The following BFSP2 variants were observed in gnomAD, a reference collection of about 807,000 sequenced individuals.
The protein encoded by BFSP2 is phakinin.
A neutral mutation model predicts 44.9 loss-of-function variants in BFSP2; 38 were observed. The observed-to-expected ratio is 0.85, with a 90% confidence interval of 0.65 to 1.11. The LOEUF (loss-of-function observed/expected upper bound fraction) is 1.11, where lower values mean the gene tolerates loss of function less well. Among genes scored for constraint, BFSP2 ranks in the 50% least tolerant of loss-of-function variants. The pLI is 0.00. For missense variants in BFSP2, 525 were observed against 533.0 expected (o/e 0.99, Z 0.15); for synonymous variants, 197 against 209.9 (o/e 0.94, Z 0.53).
Position 133,400,196 on chromosome 3 carries a change from G to T in BFSP2, c.113G>T (p.Ser38Ile). 6.2e-7 allele frequency: 1 copy of T among 1,614,066 alleles called. No homozygotes were observed. Among genetic ancestry groups the T allele is most frequent in the Middle Eastern group, 1.6e-4 (1 of 6,062 alleles). ...CCACGGTCATCATCCTCCCTGGAGA[G>T]CCCCCCAGCCTCCAGGACCAATGCC... ...RGPRSSSSLESPPASRTNAMS... is the reference protein window; with the variant it reads ...RGPRSSSSLEIPPASRTNAMS... The change falls in exon 1 of 7, where the codon AGC becomes ATC. Residue 38 changes from serine to isoleucine, a missense_variant. Physicochemically the swap from Ser to Ile is moderately radical, Grantham distance 142. Transcript: ENST00000302334. This position sits in a 1 kb window ranked among gnomAD's most constrained non-coding sequence, Gnocchi z 4.0.
intron 1 of BFSP2, among the ~76,000 whole-genome samples, chr3:133,420,689 C>T (rs972645336): frequency 3.3e-5 from 5 of 152,200 alleles, no homozygotes; most frequent in Non-Finnish European, 5.9e-5. Flanking sequence ...GGAGTCAGAA[C>T]GGAGGTGCAA....
At chr3:133,408,378 G>A (rs1324059953) in intron 1 of BFSP2, among the ~76,000 whole-genome samples, 3 of 152,180 alleles carry the variant, frequency 2.0e-5, no homozygotes, top group African/African-American at 7.2e-5. Flanking sequence ...TGAAGCTCTA[G>A]GGAAACAGGC....
intron 1 of BFSP2, among the ~76,000 whole-genome samples, chr3:133,425,454 T>A (rs1024842619): frequency 6.6e-6 from 1 of 152,216 alleles, no homozygotes; most frequent in Non-Finnish European, 1.5e-5. Flanking sequence ...ACTTGCTCAG[T>A]GGGTGGTAGA....
At chr3:133,464,504 T>G (rs1259766214) in intron 4 of BFSP2, among the ~76,000 whole-genome samples, 1 of 152,256 alleles carries the variant, frequency 6.6e-6, no homozygotes, top group Non-Finnish European at 1.5e-5. Context: ...CTAATACATA[T>G]TCTTTATTAT....
intron 1 of BFSP2, among the ~76,000 whole-genome samples, chr3:133,417,154 ATCTC>A (rs1187712532): frequency 2.2e-5 from 1 of 46,352 alleles, no homozygotes; most frequent in Non-Finnish European, 3.9e-5. Flanking sequence ...CCCCTCTCTC[ATCTC>A]TCTACTCACC....
At chr3:133,461,532 G>A (rs1164223106) in intron 4 of BFSP2, among the ~76,000 whole-genome samples, 1 of 152,162 alleles carries the variant, frequency 6.6e-6, no homozygotes, top group Non-Finnish European at 1.5e-5. Flanking sequence ...ATCCTCAGGG[G>A]CTAGATGACA....
intron 1 of BFSP2, among the ~76,000 whole-genome samples, chr3:133,404,443 A>G (rs73863529): frequency 0.14 from 21,847 of 152,084 alleles, 1,737 homozygotes; most frequent in African/African-American, 0.2. Context: ...TACAGGTGGC[A>G]CTGAGGTCGT....
intron 5 of BFSP2, 120 bp from the exon 6 acceptor site, chr3:133,472,225 T>G: frequency 8.9e-7 from 1 of 1,127,406 alleles, no homozygotes; most frequent in Non-Finnish European, 1.3e-6. Context: ...ACTGGCAAGG[T>G]CCCTGCCACG....
intron 1 of BFSP2, among the ~76,000 whole-genome samples, chr3:133,424,226 T>TG (rs1313449511): frequency 1.1e-4 from 14 of 128,956 alleles, no homozygotes; most frequent in Non-Finnish European, 1.9e-4. Context: ...TTTTTTTTTT[T>TG]TTTTTTTTTT....
chr3:133,440,014 A>G (rs2073828754), intron 1 of BFSP2, among the ~76,000 whole-genome samples: 1 of 152,174 alleles, frequency 6.6e-6, no homozygotes, highest in African/African-American at 2.4e-5. Context: ...AGACTGGGTA[A>G]TTCATAAAGA....
Position 133,400,308 on chromosome 3 carries a change from C to T in BFSP2, c.225C>T (p.Arg75=). Reference sequence around the variant, plus strand: ...GTGGCTTGGGTGCCCGTGTGACCCGCCGGGCCCTCGGCATCAGCAGTGTCT... The same window carrying T: ...GTGGCTTGGGTGCCCGTGTGACCCGTCGGGCCCTCGGCATCAGCAGTGTCT... ...CIGGLGARVT[R]RALGISSVFL... is the part of the protein sequence containing the mutation. The change falls in exon 1 of 7, where the codon CGC becomes CGT. Residue 75 remains arginine (R), a synonymous_variant. Transcript: ENST00000302334. The surrounding 1 kb of genome is among the most constrained non-coding windows in gnomAD (Gnocchi z 4.0). 1.2e-6 allele frequency: 2 copies of T among 1,614,016 alleles called. No homozygotes were observed.
intron 1 of BFSP2, among the ~76,000 whole-genome samples, chr3:133,440,462 A>G (rs1486026725): frequency 5.9e-5 from 9 of 152,192 alleles, no homozygotes; most frequent in Admixed American, 5.9e-4. Context: ...CTGTCTCACA[A>G]CAAACTCATC....
chr3:133,446,495 G>A (rs1475990277), intron 1 of BFSP2, among the ~76,000 whole-genome samples: 2 of 144,832 alleles, frequency 1.4e-5, no homozygotes, highest in East Asian at 4.2e-4. Context: ...GGGGAAAGCA[G>A]TTATTTTCTT....
intron 4 of BFSP2, among the ~76,000 whole-genome samples, chr3:133,459,983 G>A (rs2074047217): frequency 6.6e-6 from 1 of 152,164 alleles, no homozygotes; most frequent in Admixed American, 6.5e-5. Context: ...AAAAAGCTAT[G>A]TTAGGTCTCC....
At chr3:133,460,169 T>C (rs1055918974) in intron 4 of BFSP2, among the ~76,000 whole-genome samples, 1 of 152,208 alleles carries the variant, frequency 6.6e-6, no homozygotes, top group African/African-American at 2.4e-5. Flanking sequence ...TTATGGAGCA[T>C]CTACCAAGGG....
intron 1 of BFSP2, among the ~76,000 whole-genome samples, chr3:133,418,095 A>T (rs62280906): frequency 0.36 from 26,830 of 74,624 alleles, 3,165 homozygotes; most frequent in Middle Eastern, 0.46. Context: ...CTCTCGCCTT[A>T]ACTCACCCCT....
chr3:133,447,499 C>A, intron 2 of BFSP2, 100 bp downstream of exon 2: 3 of 1,227,866 alleles, frequency 2.4e-6, no homozygotes, highest in Non-Finnish European at 3.5e-6. Flanking sequence ...CACCTTCTAC[C>A]TCAGGGGAAG....
rs1260493885 is a variant in BFSP2 at position 133,440,210 on chromosome 3, C to CG, written c.490-7104dup. On this transcript the variant is annotated intron_variant, in intron 1 of 6. Transcript: ENST00000302334. ...CTATCTTACTATCATGAGAATAGCA[C>CG]GGGAAAACCTACCCCCATGATTCAA... is the stretch of plus-strand genomic sequence containing the variant. 4.9e-5 allele frequency among the ~76,000 whole-genome samples: 4 copies of CG among 81,666 alleles called. No homozygotes were observed. In the East Asian group the frequency reaches 1.3e-3, roughly 27 times the overall value. The allele number at this position is 81,666 out of a possible 152,430, so 53.6% of individuals were successfully genotyped here.
intron 1 of BFSP2, among the ~76,000 whole-genome samples, chr3:133,419,921 G>C (rs943714467): frequency 6.6e-6 from 1 of 152,236 alleles, no homozygotes; most frequent in Non-Finnish European, 1.5e-5. Context: ...AAACCACTCC[G>C]CCACAGGAGG....
Sources: allele counts gnomAD v4.1 joint callset (sites outside exome capture counted in the v4.1 genomes callset), GRCh38; gene constraint gnomAD v4.1.1; non-coding constraint Gnocchi (gnomAD v3.1); transcripts MANE v1.5; gene names NCBI Gene and HGNC (gene_info 2026-07-23, HGNC 2026-07-21).